ZBTB16: variants seen among roughly 807,000 people sequenced by gnomAD.
ZBTB16 encodes zinc finger and BTB domain containing 16.
Under a neutral mutation model 56.8 loss-of-function variants are expected in ZBTB16, and 8 were observed. The ratio of observed to expected loss-of-function variants is 0.14; its 90% CI spans 0.08 to 0.25. ZBTB16 has a LOEUF of 0.25. Ranked by LOEUF, ZBTB16 falls within the 10% of genes least tolerant of loss-of-function variation. ZBTB16 has a pLI of 1.00. For missense variants in ZBTB16, 625 were observed against 903.0 expected, an observed-to-expected ratio of 0.69 and a Z score of 3.95; for synonymous variants, 363 against 368.5, an observed-to-expected ratio of 0.98 and a Z score of 0.17.
Position 114,064,001 on chromosome 11 carries a change from G to A in ZBTB16, c.701G>A (p.Arg234Gln), listed in dbSNP as rs377612552. The change falls in exon 2 of 7, where the codon CGG becomes CAG. Residue 234 changes from arginine (R) to glutamine (Q), a missense_variant. By Grantham distance (43) the Arg-to-Gln change is conservative. Coordinates refer to ENST00000335953, the MANE Select transcript of ZBTB16 (RefSeq NM_006006.6). This position sits in a 1 kb window ranked among gnomAD's most constrained non-coding sequence, Gnocchi z 4.2. ...PEEPTLAGGG[R>Q]HPGVAEVKTE... ...GAGCCAACTCTGGCTGGGGGTGGGC[G>A]GCACCCTGGGGTGGCTGAGGTGAAG... 8 of 1,613,160 alleles carry A rather than the reference G, an allele frequency of 5.0e-6. No individual in the cohort carries two copies. Among genetic ancestry groups the A allele is most frequent in the South Asian group, 2.2e-5 (2 of 91,064 alleles).
chr11:114,148,340 C>CTTG (rs1565651494), intron 2 of ZBTB16, among the ~76,000 whole-genome samples: 8 of 80,686 alleles, frequency 9.9e-5, no homozygotes, highest in Admixed American at 2.5e-4. Context: ...TGGCTGGCTT[C>CTTG]CTTCCTTCCT....
At chr11:114,086,890 C>T (rs1939974419) in intron 2 of ZBTB16, among the ~76,000 whole-genome samples, 2 of 152,150 alleles carry the variant, frequency 1.3e-5, no homozygotes, top group South Asian at 4.1e-4. Flanking sequence ...GCAAAAACTG[C>T]AATTACTTTT....
At chr11:114,159,939 G>GCGGGGGC (rs1481092634) in intron 3 of ZBTB16, among the ~76,000 whole-genome samples, 1 of 149,324 alleles carries the variant, frequency 6.7e-6, no homozygotes, top group African/African-American at 2.5e-5. Context: ...GGGGGAGGCG[G>GCGGGGGC]GGGGGAGGCG....
chr11:114,062,943 T>G (rs934349114), intron 1 of ZBTB16, among the ~76,000 whole-genome samples: 14 of 152,326 alleles, frequency 9.2e-5, no homozygotes, highest in African/African-American at 3.4e-4. Flanking sequence ...TCATTTCACT[T>G]CATCTAACAG....
chr11:114,114,198 A>G (rs140434751), intron 2 of ZBTB16, among the ~76,000 whole-genome samples: 1 of 152,396 alleles, frequency 6.6e-6, no homozygotes, highest in African/African-American at 2.4e-5. Context: ...GACTTCGTCC[A>G]TGTCGGCCAC....
At chr11:114,114,728 A>G (rs985907564) in intron 2 of ZBTB16, among the ~76,000 whole-genome samples, 3 of 148,966 alleles carry the variant, frequency 2.0e-5, no homozygotes, top group Non-Finnish European at 3.0e-5. Context: ...CACCCAGGCT[A>G]GAGTGCAGTG....
At chr11:114,245,577 G>A (rs546971821) in intron 5 of ZBTB16, among the ~76,000 whole-genome samples, 16 of 152,258 alleles carry the variant, frequency 1.1e-4, no homozygotes, top group South Asian at 8.3e-4. Flanking sequence ...TTAGTGGCCC[G>A]AGGAGGGGAG....
chr11:114,094,444 G>A (rs886255492), intron 2 of ZBTB16, among the ~76,000 whole-genome samples: 9 of 152,248 alleles, frequency 5.9e-5, no homozygotes, highest in Admixed American at 2.0e-4. Flanking sequence ...CACTTTGGAA[G>A]GTTTCTCTAA....
At chr11:114,142,495 T>A (rs1351534092) in intron 2 of ZBTB16, among the ~76,000 whole-genome samples, 1 of 152,228 alleles carries the variant, frequency 6.6e-6, no homozygotes, top group African/African-American at 2.4e-5. Context: ...CCGCTTTAGC[T>A]CAGAAATGAG....
chr11:114,131,545 G>A (rs1941660150), intron 2 of ZBTB16, among the ~76,000 whole-genome samples: 1 of 152,178 alleles, frequency 6.6e-6, no homozygotes, highest in South Asian at 2.1e-4. Flanking sequence ...CCTGTCCCCA[G>A]ATGGCCCTCC....
intron 4 of ZBTB16, among the ~76,000 whole-genome samples, chr11:114,235,645 T>TCCCTCTCC (rs1944554390): frequency 4.6e-5 from 1 of 21,574 alleles, no homozygotes; most frequent in African/African-American, 1.1e-4. Context: ...TTTCTTTCTT[T>TCCCTCTCC]CTTTCTTTCT....
At chr11:114,121,560 C>T (rs1298613351) in intron 2 of ZBTB16, among the ~76,000 whole-genome samples, 3 of 152,220 alleles carry the variant, frequency 2.0e-5, no homozygotes, top group Non-Finnish European at 4.4e-5. Flanking sequence ...TGAATGCTTA[C>T]ATCCATTATC....
intron 2 of ZBTB16, among the ~76,000 whole-genome samples, chr11:114,142,836 G>A (rs1159218424): frequency 1.3e-5 from 2 of 152,038 alleles, no homozygotes; most frequent in Non-Finnish European, 2.9e-5. Context: ...ATTCCACTCT[G>A]CCTCCTCCCC....
chr11:114,247,200 G>A lies in ZBTB16; in HGVS notation c.1627G>A (p.Asp543Asn), dbSNP rs1317632077. The A allele has an allele frequency of 1.4e-5, 22 of 1,614,192 alleles. No homozygotes were observed. Among genetic ancestry groups the A allele is most frequent in the Middle Eastern group, 1.6e-4 (1 of 6,062 alleles). ...LKRHLRSHTG[D>N]HPYECEFCGS... ...GATCCAGCCCCTTGTCTCCACAGGC[G>A]ACCACCCCTACGAGTGTGAGTTCTG... Residue 543 changes from aspartate to asparagine, a missense_variant and splice_region_variant, in exon 6 of 7, where the codon GAC becomes AAC. Transcript: ENST00000335953.
intron 4 of ZBTB16, among the ~76,000 whole-genome samples, chr11:114,213,525 G>A (rs1398148460): frequency 6.6e-6 from 1 of 152,304 alleles, no homozygotes; most frequent in East Asian, 1.9e-4. Flanking sequence ...TCTTGCTCAT[G>A]GGAGGAGACC....
At chr11:114,211,344 G>C (rs983010297) in intron 4 of ZBTB16, among the ~76,000 whole-genome samples, 4 of 152,166 alleles carry the variant, frequency 2.6e-5, no homozygotes, top group Admixed American at 1.3e-4. Flanking sequence ...CATCTTCCCT[G>C]TCATTAACTG....
At position 114,060,035 on chromosome 11, in the gene ZBTB16, C is replaced by T. The variant is rs184737314; in HGVS notation, c.-91+153C>T. ...TATTTGGCGTGTTCCCTTCCTGCCG[C>T]TGCAGCCGTCGCCGCCACCGGTTGG... On this transcript the variant is annotated intron_variant, in intron 1 of 6. Transcript: ENST00000335953. The surrounding 1 kb of genome is among the most constrained non-coding windows in gnomAD (Gnocchi z 6.0). 2.1e-3 allele frequency among the ~76,000 whole-genome samples: 320 copies of T among 152,262 alleles called. No homozygotes were observed. Among genetic ancestry groups the T allele is most frequent in the African/African-American group, 7.1e-3 (297 of 41,560 alleles).
intron 2 of ZBTB16, among the ~76,000 whole-genome samples, chr11:114,076,848 G>A (rs1419802615): frequency 2.0e-5 from 3 of 151,882 alleles, no homozygotes; most frequent in Admixed American, 6.6e-5. Context: ...CCTCTCCCGC[G>A]CCTTTCCCCC....
intron 3 of ZBTB16, among the ~76,000 whole-genome samples, chr11:114,177,243 G>A (rs564155916): frequency 2.4e-4 from 37 of 152,314 alleles, no homozygotes; most frequent in Non-Finnish European, 2.9e-4. Context: ...TGCTGGTACC[G>A]TACCGGTAGA....
Sources: allele counts gnomAD v4.1 joint callset (sites outside exome capture counted in the v4.1 genomes callset), GRCh38; gene constraint gnomAD v4.1.1; non-coding constraint Gnocchi (gnomAD v3.1); transcripts MANE v1.5; gene names NCBI Gene and HGNC (gene_info 2026-07-23, HGNC 2026-07-21).